Variants in FHIT observed in about 807,000 individuals in gnomAD.
FHIT encodes the protein fragile histidine triad diadenosine triphosphatase.
A neutral mutation model predicts 17.9 loss-of-function variants in FHIT; 19 were observed. The observed-to-expected ratio is 1.06, with a 90% CI of 0.74 to 1.56. FHIT has a LOEUF of 1.56. FHIT is among the 40% of genes most tolerant of loss of function. The pLI, the probability that FHIT is intolerant of heterozygous loss-of-function variation, is 0.00. For missense variants in FHIT, 248 were observed against 189.2 expected (o/e 1.31, Z -1.82); for synonymous variants, 81 against 69.7 (o/e 1.16, Z -0.81).
intron 5 of FHIT, among the ~76,000 whole-genome samples, chr3:60,296,220 G>C (rs9858300): frequency 0.45 from 69,068 of 151,860 alleles, 16,907 homozygotes; most frequent in East Asian, 0.95. Context: ...AGAGGGGAAG[G>C]GGGGAAGGAG....
intron 3 of FHIT, among the ~76,000 whole-genome samples, chr3:60,912,052 CAT>C (rs1159077611): frequency 9.2e-5 from 8 of 87,020 alleles, no homozygotes; most frequent in East Asian, 2.0e-4. Context: ...CACACACACA[CAT>C]ACACACACAC....
At chr3:60,936,532 T>C (rs1177304051) in intron 3 of FHIT, among the ~76,000 whole-genome samples, 1 of 152,234 alleles carries the variant, frequency 6.6e-6, no homozygotes, top group Non-Finnish European at 1.5e-5. Flanking sequence ...TGAAAAATTA[T>C]GAGCCATGTT....
chr3:59,986,560 C>T (rs755193721), intron 7 of FHIT, among the ~76,000 whole-genome samples: 12,450 of 45,138 alleles, frequency 0.28, 2,956 homozygotes, highest in South Asian at 0.39. Flanking sequence ...CACACACACA[C>T]ACACACACAT....
At chr3:60,105,035 T>G (rs1173486230) in intron 5 of FHIT, among the ~76,000 whole-genome samples, 2 of 152,174 alleles carry the variant, frequency 1.3e-5, no homozygotes, top group East Asian at 1.9e-4. Context: ...GCTTCAACCT[T>G]TGGCTGGGTG....
intron 5 of FHIT, among the ~76,000 whole-genome samples, chr3:60,344,838 C>T (rs11708661): frequency 0.15 from 22,533 of 151,914 alleles, 1,760 homozygotes; most frequent in Non-Finnish European, 0.16. Flanking sequence ...TTTTATTAGC[C>T]AAGATATCAT....
At chr3:60,410,158 G>A (rs984271602) in intron 5 of FHIT, among the ~76,000 whole-genome samples, 3 of 152,170 alleles carry the variant, frequency 2.0e-5, no homozygotes, top group Admixed American at 6.6e-5. Flanking sequence ...GCTGCTTACT[G>A]GCTGCATCTA....
chr3:60,030,890 G>C (rs1700971051), intron 5 of FHIT, among the ~76,000 whole-genome samples: 1 of 152,154 alleles, frequency 6.6e-6, no homozygotes, highest in African/African-American at 2.4e-5. Context: ...AGTAAGTAGA[G>C]AGTAGAAAAA....
At position 60,079,929 on chromosome 3, in the gene FHIT, G is replaced by A. The variant is rs75571385; in HGVS notation, c.104-65777C>T. On this transcript the variant is annotated intron_variant, in intron 5 of 9. Transcript: ENST00000492590. Reference sequence around the variant, plus strand: ...TATTAAAAAGGTACAGTAAAGATGTGCTAATGATAGATTTTTTTTCTACTC... The same window carrying A: ...TATTAAAAAGGTACAGTAAAGATGTACTAATGATAGATTTTTTTTCTACTC... Among the ~76,000 whole-genome samples the A allele has an allele frequency of 6.8e-3, 1,027 of 152,102 alleles. 16 individuals are homozygous for A. Among genetic ancestry groups the A allele is most frequent in the African/African-American group, 0.023 (975 of 41,504 alleles).
chr3:61,250,341 C>T (rs2040591348), intron 1 of FHIT, among the ~76,000 whole-genome samples: 1 of 152,244 alleles, frequency 6.6e-6, no homozygotes, highest in Non-Finnish European at 1.5e-5. Context: ...TAGTCTGGGC[C>T]CGGCCCAGGT....
At chr3:60,204,519 G>A (rs542381422) in intron 5 of FHIT, among the ~76,000 whole-genome samples, 2 of 150,602 alleles carry the variant, frequency 1.3e-5, no homozygotes, top group Admixed American at 6.7e-5. Flanking sequence ...TTGAACTCCC[G>A]GGCTCAAGCA....
At chr3:60,840,802 T>C (rs1484288314) in intron 3 of FHIT, among the ~76,000 whole-genome samples, 2 of 152,226 alleles carry the variant, frequency 1.3e-5, no homozygotes, top group African/African-American at 4.8e-5. Context: ...CTATCAGTAA[T>C]GAATGAAGTT....
chr3:60,733,940 G>A (rs1553711949), intron 4 of FHIT, among the ~76,000 whole-genome samples: 2 of 152,126 alleles, frequency 1.3e-5, no homozygotes, highest in African/African-American at 4.8e-5. Context: ...TCTAAGTCAA[G>A]TCTCCATAGT....
At chr3:59,957,724 G>A (rs116263642) in intron 7 of FHIT, among the ~76,000 whole-genome samples, 54 of 152,310 alleles carry the variant, frequency 3.5e-4, no homozygotes, top group African/African-American at 6.0e-4. Flanking sequence ...AATGTGATTA[G>A]CTATGAAGAT....
chr3:59,815,486 T>A (rs940795448), intron 8 of FHIT, among the ~76,000 whole-genome samples: 3 of 152,162 alleles, frequency 2.0e-5, no homozygotes, highest in Non-Finnish European at 4.4e-5. Flanking sequence ...AACCCAAATG[T>A]CTATCAGTCA....
At chr3:60,336,009 A>G (rs144900886) in intron 5 of FHIT, among the ~76,000 whole-genome samples, 173 of 152,332 alleles carry the variant, frequency 1.1e-3, no homozygotes, top group African/African-American at 3.9e-3. Flanking sequence ...TTCTATCATA[A>G]TGATTATTTT....
intron 4 of FHIT, among the ~76,000 whole-genome samples, chr3:60,792,702 T>A (rs1553728913): frequency 6.6e-6 from 1 of 152,216 alleles, no homozygotes. Flanking sequence ...AGCAAAGTGC[T>A]TTTTGGTAAT....
At chr3:60,588,990 A>C (rs1394134367) in intron 4 of FHIT, among the ~76,000 whole-genome samples, 1 of 152,030 alleles carries the variant, frequency 6.6e-6, no homozygotes, top group African/African-American at 2.4e-5. Context: ...GAGTCCAGGA[A>C]AGAATAAAGA....
intron 5 of FHIT, among the ~76,000 whole-genome samples, chr3:60,120,749 C>T (rs1705210426): frequency 6.6e-6 from 1 of 152,202 alleles, no homozygotes; most frequent in African/African-American, 2.4e-5. Flanking sequence ...CACTCATTCT[C>T]TCTTCTGCAG....
chr3:61,088,283 C>T (rs1197481658), intron 2 of FHIT, among the ~76,000 whole-genome samples: 2 of 152,172 alleles, frequency 1.3e-5, no homozygotes, highest in Non-Finnish European at 2.9e-5. Context: ...CTAAGATGGG[C>T]TCTCTCTAAA....
Sources: gnomAD v4.1 joint callset for allele counts (sites outside exome capture counted in the v4.1 genomes callset) on GRCh38, gnomAD v4.1.1 for gene constraint, MANE v1.5 for transcripts, NCBI Gene and HGNC (gene_info 2026-07-23, HGNC 2026-07-21) for gene names.